The following USP39 variants were observed in gnomAD, a reference collection of about 807,000 sequenced individuals.
The protein encoded by USP39 is ubiquitin specific peptidase 39.
USP39 carries 38 observed loss-of-function variants against 66.4 expected under a neutral mutation model. That is an observed-to-expected ratio of 0.57 (90% CI 0.44 to 0.75). The LOEUF (loss-of-function observed/expected upper bound fraction) is 0.75. Ranked by LOEUF, USP39 falls within the 30% of genes least tolerant of loss-of-function variation. The pLI, the probability that USP39 is intolerant of heterozygous loss-of-function variation, is 0.00. For synonymous variants in USP39, 303 were observed against 274.6 expected, an observed-to-expected ratio of 1.10 and a Z score of -1.02; for missense variants, 608 against 714.4, an observed-to-expected ratio of 0.85 and a Z score of 1.70.
chr2:85,624,496 C>T (rs1188207178), intron 4 of USP39, among the ~76,000 whole-genome samples: 1 of 152,040 alleles, frequency 6.6e-6, no homozygotes, highest in Non-Finnish European at 1.5e-5. Flanking sequence ...TAGGCGTTAC[C>T]ATCATGCCCA....
intron 7 of USP39, among the ~76,000 whole-genome samples, chr2:85,636,874 C>T (rs1301683379): frequency 1.3e-5 from 2 of 152,204 alleles, no homozygotes; most frequent in Non-Finnish European, 2.9e-5. Context: ...CCTCTGAGCT[C>T]TCTAACTTGC....
At chr2:85,616,820 G>A (rs1249877447) in intron 1 of USP39, among the ~76,000 whole-genome samples, 1 of 151,590 alleles carries the variant, frequency 6.6e-6, no homozygotes, top group African/African-American at 2.4e-5. Flanking sequence ...TGGGATTACA[G>A]GCGCCCACCA....
chr2:85,603,491 A>G (rs1409167428), intron 1 of USP39, among the ~76,000 whole-genome samples: 1 of 152,194 alleles, frequency 6.6e-6, no homozygotes, highest in African/African-American at 2.4e-5. Flanking sequence ...ATCTGGGAAA[A>G]GGAAACAGGA....
chr2:85,611,351 A>G, upstream of USP39: 1 of 1,441,142 alleles, frequency 6.9e-7, no homozygotes, highest in Non-Finnish European at 9.1e-7. Flanking sequence ...CTGGTCGCTC[A>G]TCGCTGTGCC....
At chr2:85,622,058 G>A (rs1674505673) in intron 3 of USP39, among the ~76,000 whole-genome samples, 2 of 151,910 alleles carry the variant, frequency 1.3e-5, no homozygotes, top group Admixed American at 6.6e-5. Flanking sequence ...GGCCGCAGGT[G>A]ATCCACCTGT....
intron 5 of USP39, among the ~76,000 whole-genome samples, chr2:85,626,753 T>C (rs1032188119): frequency 6.6e-6 from 1 of 151,780 alleles, no homozygotes; most frequent in African/African-American, 2.4e-5. Flanking sequence ...AGTCTCAGTC[T>C]GTTGCCCAGG....
upstream of USP39, among the ~76,000 whole-genome samples, chr2:85,612,591 T>C (rs949596007): frequency 3.3e-5 from 5 of 152,228 alleles, no homozygotes; most frequent in African/African-American, 1.2e-4. Flanking sequence ...ATGGCTTAAC[T>C]GTCCCCGCGG....
Position 85,619,278 on chromosome 2 carries a change from C to T in USP39, c.327C>T (p.Asp109=), listed in dbSNP as rs1674267939. ...DRRSRHCPYL[D]TINRSVLDFD... ...GGAGCCGCCACTGCCCGTACCTGGA[C>T]ACCATTAACAGGTCAGTAGGACAGA... is the stretch of plus-strand genomic sequence containing the variant. Residue 109 remains aspartate (D), a synonymous_variant, in exon 2 of 13, where the codon GAC becomes GAT. Coordinates refer to ENST00000323701, the MANE Select transcript of USP39 (RefSeq NM_006590.4). 2.5e-6 allele frequency: 4 copies of T among 1,613,648 alleles called. No homozygotes were observed. The highest frequency in any genetic ancestry group is 2.7e-5 in the African/African-American group (2 of 74,986).
At position 85,648,769 on chromosome 2, in the gene USP39, G is replaced by T. The variant is rs1676835790; in HGVS notation, c.1659G>T (p.Lys553Asn). ...GTTTTCATTTCTTACAGATTTGGAA[G>T]AGGCGAGATAATGATGAAACCAACC... The part of the protein sequence containing the change: ...TLSEAYIQIW[K>N]RRDNDETNQQ... The change falls in exon 13 of 13, where the codon AAG becomes AAT. Residue 553 changes from lysine (K) to asparagine (N), a missense_variant. Coordinates refer to ENST00000323701, the MANE Select transcript of USP39 (RefSeq NM_006590.4). 6.2e-7 allele frequency: 1 copy of T among 1,614,132 alleles called. No homozygotes were observed. Among genetic ancestry groups the T allele is most frequent in the African/African-American group, 1.3e-5 (1 of 75,062 alleles).
In USP39 at chr2:85,616,362, C is replaced by T. The variant is rs1453376967; in HGVS notation, c.167C>T (p.Pro56Leu). 4 of 1,601,206 alleles carry T rather than the reference C, an allele frequency of 2.5e-6. No homozygotes were observed. The highest frequency in any genetic ancestry group is 1.7e-4 in the Middle Eastern group (1 of 5,994). ...SPVRVKREFE[P>L]ASAREAPASV... ...GTGCGCGTGAAGCGGGAGTTCGAGC[C>T]GGCGAGCGCGCGCGAGGCCCCGGCT... Residue 56 changes from proline to leucine, a missense_variant, in exon 1 of 13, where the codon CCG becomes CTG. Physicochemically the swap from Pro to Leu is moderately conservative, Grantham distance 98 (BLOSUM62 -3). Around this residue, in one of 6 missense-constraint regions of USP39, gnomAD observed 207 missense variants for 145.7 expected, o/e 1.42. Transcript: ENST00000323701.
rs1675158754 is a variant in USP39 at position 85,629,538 on chromosome 2, C to T, written c.724-1183C>T. ...TGAGACGGAGTTTTGCTCTTGTTGTCTAGGCTGGAGTGCAGTGGTGCCATC... is the reference window on the plus strand; with the variant it reads ...TGAGACGGAGTTTTGCTCTTGTTGTTTAGGCTGGAGTGCAGTGGTGCCATC... On this transcript the variant is annotated intron_variant, in intron 5 of 12. Transcript: ENST00000323701. Among the ~76,000 whole-genome samples the T allele has an allele frequency of 4.2e-5, 6 of 143,644 alleles. No individual in the cohort carries two copies. In the South Asian group the frequency reaches 1.3e-3, roughly 31 times the overall value. 94.2% of individuals were successfully genotyped at this position (143,644 alleles called of 152,430 possible).
intron 2 of USP39, among the ~76,000 whole-genome samples, chr2:85,619,932 G>A (rs967770347): frequency 6.6e-6 from 1 of 151,726 alleles, no homozygotes; most frequent in African/African-American, 2.4e-5. Context: ...TTGGCTTACT[G>A]CAACCTTCGC....
chr2:85,615,341 G>A (rs1673848729), upstream of USP39, among the ~76,000 whole-genome samples: 1 of 151,988 alleles, frequency 6.6e-6, no homozygotes, highest in South Asian at 2.1e-4. Context: ...CTTTAAACAT[G>A]TAGTTTGTTG....
chr2:85,637,866 T>A (rs7589436), intron 8 of USP39, among the ~76,000 whole-genome samples: 10,429 of 151,850 alleles, frequency 0.069, 1,216 homozygotes, highest in African/African-American at 0.24. Context: ...CCAGCTAATT[T>A]TGTATTTTTA....
chr2:85,618,575 CAAA>C (rs994160298), intron 1 of USP39, among the ~76,000 whole-genome samples: 1 of 136,870 alleles, frequency 7.3e-6, no homozygotes, highest in South Asian at 2.5e-4. Flanking sequence ...AAAAAAAAAA[CAAA>C]AAAAAAACGA....
At chr2:85,623,339 T>C (rs1424532057) in intron 3 of USP39, among the ~76,000 whole-genome samples, 6 of 149,588 alleles carry the variant, frequency 4.0e-5, no homozygotes, top group Non-Finnish European at 7.4e-5. Flanking sequence ...TATATAGTTA[T>C]ATGTATTATA....
At chr2:85,621,672 T>A in intron 3 of USP39, 93 bp downstream of exon 3, 1 of 957,004 alleles carries the variant, frequency 1.0e-6, no homozygotes, top group Non-Finnish European at 1.6e-6. Flanking sequence ...GAATCATATC[T>A]AATAATTTCT....
At chr2:85,609,540 T>A, upstream of USP39, 1 of 1,614,176 alleles carries the variant, frequency 6.2e-7, no homozygotes, top group Non-Finnish European at 8.5e-7. Flanking sequence ...TACTGCTGCT[T>A]TCACCGGACT....
At chr2:85,606,162 T>TTG (rs574909780) in intron 1 of USP39, among the ~76,000 whole-genome samples, 6 of 152,008 alleles carry the variant, frequency 3.9e-5, no homozygotes, top group Admixed American at 6.6e-5. Context: ...GCCTATCAGA[T>TTG]TGTGTGTGTG....
Sources: allele counts gnomAD v4.1 joint callset (sites outside exome capture counted in the v4.1 genomes callset), GRCh38; gene constraint gnomAD v4.1.1; regional missense constraint gnomAD v4.1.1; transcripts MANE v1.5; gene names NCBI Gene and HGNC (gene_info 2026-07-23, HGNC 2026-07-21).